KATNAL2: variants seen among roughly 807,000 people sequenced by gnomAD.
KATNAL2 encodes the protein katanin catalytic subunit A1 like 2, also known as katanin p60 ATPase-containing subunit A-like 2.
KATNAL2 carries 52 observed loss-of-function variants against 76.3 expected under a neutral mutation model. That is an observed-to-expected ratio of 0.68 (90% CI 0.55 to 0.86). The LOEUF (loss-of-function observed/expected upper bound fraction) is 0.86. KATNAL2 is among the 40% of genes least tolerant of loss of function. The pLI is 0.00. For synonymous variants in KATNAL2, 243 were observed against 244.2 expected, an observed-to-expected ratio of 1.00 and a Z score of 0.05; for missense variants, 660 against 668.9, an observed-to-expected ratio of 0.99 and a Z score of 0.15.
At chr18:46,947,474 C>G (rs2059416276) in intron 3 of KATNAL2, among the ~76,000 whole-genome samples, 1 of 151,812 alleles carries the variant, frequency 6.6e-6, no homozygotes, top group Admixed American at 6.6e-5. Context: ...AGTGGTTTAC[C>G]GTGGTCTGTA....
intron 3 of KATNAL2, chr18:47,033,971 G>A: frequency 6.2e-7 from 1 of 1,613,422 alleles, no homozygotes. Context: ...TCCTGGACAG[G>A]AGGCAATTTC....
At chr18:47,069,127 G>C in intron 11 of KATNAL2, 93 bp from the exon 12 acceptor site, 4 of 880,492 alleles carry the variant, frequency 4.5e-6, no homozygotes, top group Non-Finnish European at 7.4e-6. Flanking sequence ...GAGCTGTGCT[G>C]CTTTGACTTC....
intron 1 of KATNAL2, among the ~76,000 whole-genome samples, chr18:46,933,806 A>C: frequency 9.0e-6 from 1 of 111,704 alleles, no homozygotes; most frequent in African/African-American, 3.5e-5. Flanking sequence ...CCCACCCCAT[A>C]ACAGTCCCCG....
intron 4 of KATNAL2, among the ~76,000 whole-genome samples, chr18:47,048,673 T>C (rs1794150503): frequency 6.6e-6 from 1 of 152,100 alleles, no homozygotes; most frequent in Non-Finnish European, 1.5e-5. Flanking sequence ...ATGTGGGTAG[T>C]GGGCTGCTCT....
intron 15 of KATNAL2, among the ~76,000 whole-genome samples, chr18:47,081,973 A>G (rs1222370922): frequency 6.6e-6 from 1 of 152,210 alleles, no homozygotes; most frequent in Non-Finnish European, 1.5e-5. Context: ...GGATTAATAT[A>G]TTTGATTTTA....
chr18:46,919,305 G>A (rs1387242876), intron 1 of KATNAL2, among the ~76,000 whole-genome samples: 1 of 152,048 alleles, frequency 6.6e-6, no homozygotes, highest in Non-Finnish European at 1.5e-5. Context: ...TGACCAACAT[G>A]GAGAAACCCC....
At chr18:46,955,752 T>C (rs1409591563) in intron 3 of KATNAL2, among the ~76,000 whole-genome samples, 3 of 152,028 alleles carry the variant, frequency 2.0e-5, no homozygotes, top group Non-Finnish European at 4.4e-5. Context: ...GGGGTCTCCT[T>C]ATGTTGCTCA....
Position 47,046,506 on chromosome 18 carries a change from C to T in KATNAL2, c.101C>T (p.Ser34Leu), listed in dbSNP as rs375338531. The change falls in exon 4 of 18, where the codon TCG (serine) becomes TTG (leucine). Residue 34 changes from serine to leucine, a missense_variant. Ser to Leu is a moderately radical substitution (Grantham distance 145, BLOSUM62 -2). Transcript: ENST00000683218. ...ARRKNLLILISHYLTQEGYID... is the reference protein window; with the variant it reads ...ARRKNLLILILHYLTQEGYID... Reference sequence around the variant, plus strand: ...CGAAAAAATCTTCTCATTTTGATTTCGCATTATTTAACACAAGAAGGGTAT... The same window carrying T: ...CGAAAAAATCTTCTCATTTTGATTTTGCATTATTTAACACAAGAAGGGTAT... 19 of 1,535,440 alleles carry T rather than the reference C, an allele frequency of 1.2e-5. No homozygotes were observed. Among genetic ancestry groups the T allele is most frequent in the African/African-American group, 2.7e-5 (2 of 73,030 alleles).
At chr18:46,924,295 G>T (rs949273969) in intron 1 of KATNAL2, among the ~76,000 whole-genome samples, 25 of 152,138 alleles carry the variant, frequency 1.6e-4, no homozygotes, top group African/African-American at 9.7e-5. Flanking sequence ...TCTGCATATG[G>T]CTAGCCAGTT....
Position 46,917,693 on chromosome 18 carries a change from C to T in KATNAL2, c.-743C>T. On this transcript the variant is annotated 5_prime_UTR_variant, in exon 1 of 18. Coordinates refer to ENST00000683218, the MANE Select transcript of KATNAL2 (RefSeq NM_001387690.1). ...CGGCCCCAGGTCGTGCCTTCCCTCC[C>T]CGGCGGAGGCCCCTGCGGACTGCCT... The T allele has an allele frequency of 2.6e-6, 1 of 391,234 alleles. No homozygotes were observed. The highest frequency in any genetic ancestry group is 3.5e-6 in the Non-Finnish European group (1 of 285,650). 24.2% of individuals were successfully genotyped at this position (391,234 alleles called of 1,614,324 possible).
intron 2 of KATNAL2, 26 bp downstream of exon 2, chr18:46,946,572 T>C (rs148332628): frequency 0.013 from 12,510 of 985,332 alleles, 100 homozygotes; most frequent in Non-Finnish European, 0.014. Context: ...TCAGCTTGTA[T>C]TTTAGAAACG....
chr18:47,093,627 G>A (rs1222709815), intron 15 of KATNAL2, among the ~76,000 whole-genome samples: 1 of 152,020 alleles, frequency 6.6e-6, no homozygotes, highest in African/African-American at 2.4e-5. Flanking sequence ...AACCTCTTGG[G>A]TTCAAGCGAT....
In KATNAL2 at chr18:47,086,445, A is replaced by G. The variant is rs1477911879; in HGVS notation, c.1211+8984A>G. Reference sequence around the variant, plus strand: ...AATTCTCTTCCTCAACCTCCCAAGTAGCTGGGATTACAGACACCCACCACC... The same window carrying G: ...AATTCTCTTCCTCAACCTCCCAAGTGGCTGGGATTACAGACACCCACCACC... On this transcript the variant is annotated intron_variant, in intron 15 of 17. Transcript: ENST00000683218. 2.0e-5 allele frequency among the ~76,000 whole-genome samples: 3 copies of G among 152,086 alleles called. No individual in the cohort carries two copies. The East Asian group carries it at 5.8e-4, about 29-fold the overall frequency.
chr18:46,920,299 G>A (rs1307654530), intron 1 of KATNAL2: 4 of 330,650 alleles, frequency 1.2e-5, no homozygotes, highest in African/African-American at 8.6e-5. Context: ...GTGTGGACCC[G>A]TGCCCTAAGG....
In KATNAL2 at chr18:47,075,376, A is replaced by G. The variant is rs1313768177; in HGVS notation, c.1100+8A>G. 3.3e-6 allele frequency: 5 copies of G among 1,512,810 alleles called. No individual in the cohort carries two copies. In the South Asian group the frequency reaches 6.8e-5, roughly 21 times the overall value. The allele number at this position is 1,512,810 out of a possible 1,614,324, so 93.7% of individuals were successfully genotyped here. Reference sequence around the variant, plus strand: ...GAGAGGCACAGCTTCTGGGTAACAGACAGGGTTGGGGTTTTTGTTGTTGTT... The same window carrying G: ...GAGAGGCACAGCTTCTGGGTAACAGGCAGGGTTGGGGTTTTTGTTGTTGTT... On this transcript the variant is annotated splice_region_variant and intron_variant, in intron 14 of 17. Transcript: ENST00000683218.
At chr18:47,084,719 C>T (rs1568013808) in intron 15 of KATNAL2, among the ~76,000 whole-genome samples, 1 of 151,582 alleles carries the variant, frequency 6.6e-6, no homozygotes, top group South Asian at 2.1e-4. Context: ...CGTTGTGGCA[C>T]GTGCTTGTAG....
At chr18:47,048,131 G>A (rs760461543) in intron 4 of KATNAL2, among the ~76,000 whole-genome samples, 2 of 152,260 alleles carry the variant, frequency 1.3e-5, no homozygotes, top group Non-Finnish European at 2.9e-5. Context: ...GCCATCTGAC[G>A]CACAGGACAG....
intron 3 of KATNAL2, among the ~76,000 whole-genome samples, chr18:47,031,907 T>C (rs1179283000): frequency 6.6e-6 from 1 of 152,206 alleles, no homozygotes; most frequent in South Asian, 2.1e-4. Context: ...GTGTGTATCA[T>C]ATCTGGCATA....
chr18:47,077,494 T>A, intron 15 of KATNAL2, 33 bp downstream of exon 15: 1 of 1,484,596 alleles, frequency 6.7e-7, no homozygotes, highest in Non-Finnish European at 9.4e-7. Context: ...TTTGAATACA[T>A]TTTCAGGAGT....
Sources: gnomAD v4.1 joint callset for allele counts (sites outside exome capture counted in the v4.1 genomes callset) on GRCh38, gnomAD v4.1.1 for gene constraint, MANE v1.5 for transcripts, NCBI Gene and HGNC (gene_info 2026-07-23, HGNC 2026-07-21) for gene names.